CALN1: variants seen among roughly 807,000 people sequenced by gnomAD.
The protein encoded by CALN1 is calneuron 1, also known as calcium-binding protein 8.
A neutral mutation model predicts 30.6 loss-of-function variants in CALN1; 17 were observed. The observed-to-expected ratio is 0.56, with a 90% confidence interval of 0.38 to 0.83. The LOEUF is 0.83. Among genes scored for constraint, CALN1 ranks in the 40% least tolerant of loss-of-function variants. The probability of loss-of-function intolerance (pLI) is 0.00; values close to 1 mark genes in which losing one functional copy is unlikely to be tolerated. For synonymous variants in CALN1, 156 were observed against 131.4 expected, an observed-to-expected ratio of 1.19 and a Z score of -1.28; for missense variants, 291 against 354.9, an observed-to-expected ratio of 0.82 and a Z score of 1.45.
chr7:72,321,493 AAT>A (rs1413180156), intron 2 of CALN1, among the ~76,000 whole-genome samples: 1 of 152,196 alleles, frequency 6.6e-6, no homozygotes, highest in African/African-American at 2.4e-5. Flanking sequence ...GACAGGAGAC[AAT>A]ATTTTGGGCG....
At chr7:72,205,567 T>TA (rs1562733737) in intron 3 of CALN1, among the ~76,000 whole-genome samples, 1 of 118,202 alleles carries the variant, frequency 8.5e-6, no homozygotes, top group African/African-American at 3.6e-5. Context: ...TATATATATA[T>TA]GTATATATAT....
At chr7:72,306,919 C>G (rs577807577) in intron 2 of CALN1, among the ~76,000 whole-genome samples, 2 of 152,120 alleles carry the variant, frequency 1.3e-5, no homozygotes, top group East Asian at 3.9e-4. Context: ...TCTGACTCTT[C>G]GTTGACACTC....
intron 3 of CALN1, among the ~76,000 whole-genome samples, chr7:72,272,785 G>C (rs945517360): frequency 6.6e-6 from 1 of 151,992 alleles, no homozygotes. Flanking sequence ...TTTTCCATGG[G>C]AATCTATTCC....
chr7:72,216,853 G>T (rs894515134), intron 3 of CALN1, among the ~76,000 whole-genome samples: 1 of 152,116 alleles, frequency 6.6e-6, no homozygotes, highest in African/African-American at 2.4e-5. Context: ...TCCACCTGAA[G>T]TGATCCTCCT....
At chr7:72,149,367 C>G (rs1235410720) in intron 3 of CALN1, among the ~76,000 whole-genome samples, 1 of 152,058 alleles carries the variant, frequency 6.6e-6, no homozygotes, top group Non-Finnish European at 1.5e-5. Flanking sequence ...ACTAGAGAAG[C>G]TGAGGCAGGA....
At chr7:71,960,185 AAT>A (rs1378813128) in intron 5 of CALN1, among the ~76,000 whole-genome samples, 19 of 150,508 alleles carry the variant, frequency 1.3e-4, no homozygotes, top group Admixed American at 6.6e-4. Flanking sequence ...AAATAAATAA[AAT>A]AAAATAAAAA....
intron 5 of CALN1, among the ~76,000 whole-genome samples, chr7:71,857,066 C>T (rs1288948554): frequency 2.1e-5 from 3 of 143,152 alleles, no homozygotes; most frequent in Non-Finnish European, 4.6e-5. Flanking sequence ...GTGTTGCAAA[C>T]TAAATTTGTC....
chr7:71,892,105 A>C (rs995789418), intron 5 of CALN1, among the ~76,000 whole-genome samples: 1 of 152,202 alleles, frequency 6.6e-6, no homozygotes, highest in African/African-American at 2.4e-5. Context: ...CTCAATAAAT[A>C]AATGTTTATT....
chr7:72,425,472 C>T (rs1452300175), intron 1 of CALN1, among the ~76,000 whole-genome samples: 4 of 152,228 alleles, frequency 2.6e-5, no homozygotes, highest in South Asian at 2.1e-4. Context: ...TGAGACCACG[C>T]TCCCAATAAG....
rs140177614 is a variant in CALN1 at position 72,346,578 on chromosome 7, C to T, written c.119+56673G>A. On this transcript the variant is annotated intron_variant, in intron 2 of 6. Transcript: ENST00000395275. ...TCACCCAGGCTGGAGTCCAGTGGCA[C>T]GATCTCGGCTCACTGCAACCTCCAC... Among the ~76,000 whole-genome samples, 6 of 152,142 alleles carry T rather than the reference C, an allele frequency of 3.9e-5. No individual in the cohort carries two copies. The East Asian group carries it at 1.2e-3, about 29-fold the overall frequency.
chr7:72,054,924 C>CAA (rs1382858063), intron 4 of CALN1, among the ~76,000 whole-genome samples: 2 of 151,984 alleles, frequency 1.3e-5, no homozygotes, highest in African/African-American at 2.4e-5. Context: ...CAAAACAAAA[C>CAA]AAAACACACA....
intron 3 of CALN1, among the ~76,000 whole-genome samples, chr7:72,228,957 G>T (rs574808252): frequency 2.6e-4 from 39 of 150,096 alleles, no homozygotes; most frequent in African/African-American, 9.5e-4. Context: ...GATGTTGGTG[G>T]TGGGGGGCGG....
chr7:72,259,902 C>G (rs1796155458), intron 3 of CALN1, among the ~76,000 whole-genome samples: 1 of 152,160 alleles, frequency 6.6e-6, no homozygotes, highest in Admixed American at 6.6e-5. Context: ...ACCAATGCAA[C>G]CTTTTAAAAT....
At chr7:72,489,496 T>C in the CALN1 span, among the ~76,000 whole-genome samples, 1 of 152,106 alleles carries the variant, frequency 6.6e-6, no homozygotes, top group Admixed American at 6.6e-5. Context: ...AGAAAGAGTG[T>C]CACTCTATTA....
intron 2 of CALN1, among the ~76,000 whole-genome samples, chr7:72,283,410 A>T (rs1401981293): frequency 1.3e-5 from 2 of 152,088 alleles, no homozygotes; most frequent in African/African-American, 2.4e-5. Flanking sequence ...TGGCACACAC[A>T]TGTAGTCATA....
intron 5 of CALN1, chr7:71,942,395 TA>T: frequency 1.2e-5 from 2 of 172,894 alleles, no homozygotes. Flanking sequence ...ATCCGCAGTG[TA>T]AAAGGCCCCG....
chr7:71,861,178 GGTGTGTGTGTGTGC>G (rs1275978101), intron 5 of CALN1, among the ~76,000 whole-genome samples: 2 of 151,274 alleles, frequency 1.3e-5, no homozygotes, highest in Non-Finnish European at 2.9e-5. Context: ...TGTGGTGTGG[GGTGTGTGTGTGTGC>G]GTGTGTGTGT....
intron 3 of CALN1, among the ~76,000 whole-genome samples, chr7:72,143,005 T>C (rs969965215): frequency 6.6e-6 from 1 of 152,012 alleles, no homozygotes; most frequent in African/African-American, 2.4e-5. Flanking sequence ...CAAAGGTAGA[T>C]AAAACCACAA....
At chr7:72,215,535 A>C (rs1792731899) in intron 3 of CALN1, among the ~76,000 whole-genome samples, 1 of 145,648 alleles carries the variant, frequency 6.9e-6, no homozygotes. Context: ...CAGAGGTTGC[A>C]GTGAGCTGAG....
Sources: gnomAD v4.1 joint callset for allele counts (sites outside exome capture counted in the v4.1 genomes callset) on GRCh38, gnomAD v4.1.1 for gene constraint, MANE v1.5 for transcripts, NCBI Gene and HGNC (gene_info 2026-07-23, HGNC 2026-07-21) for gene names.